ALG8: variants seen among roughly 807,000 people sequenced by gnomAD.
ALG8 encodes ALG8 alpha-1,3-glucosyltransferase, also known as dolichyl pyrophosphate Glc1Man9GlcNAc2 alpha-1,3-glucosyltransferase.
ALG8 carries 48 observed loss-of-function variants against 70.2 expected under a neutral mutation model. The ratio of observed to expected loss-of-function variants is 0.68; its 90% confidence interval spans 0.54 to 0.87. The LOEUF (loss-of-function observed/expected upper bound fraction) is 0.87, where lower values mean the gene tolerates loss of function less well. ALG8 is among the 40% of genes least tolerant of loss of function. The pLI is 0.00. For missense variants in ALG8, 572 were observed against 608.7 expected (o/e 0.94, Z 0.64); for synonymous variants, 234 against 229.0 (o/e 1.02, Z -0.20).
At chr11:78,115,980 T>C (rs1860544055) in intron 5 of ALG8, among the ~76,000 whole-genome samples, 1 of 152,180 alleles carries the variant, frequency 6.6e-6, no homozygotes, top group Non-Finnish European at 1.5e-5. Flanking sequence ...TTAGGTAACT[T>C]ATATAGCACT....
intron 12 of ALG8, among the ~76,000 whole-genome samples, chr11:78,103,717 T>C (rs939830447): frequency 6.6e-6 from 1 of 152,224 alleles, no homozygotes; most frequent in Non-Finnish European, 1.5e-5. Context: ...ATAAAGCATA[T>C]TTTACATTCA....
intron 2 of ALG8, among the ~76,000 whole-genome samples, chr11:78,126,811 C>A (rs988312185): frequency 1.3e-5 from 2 of 152,108 alleles, no homozygotes; most frequent in South Asian, 2.1e-4. Flanking sequence ...TCCAGTTCTT[C>A]CTCTTTCCCA....
At chr11:78,103,315 G>C (rs972895707) in intron 12 of ALG8, 2 of 152,140 alleles carry the variant, frequency 1.3e-5, no homozygotes, top group African/African-American at 4.8e-5. Flanking sequence ...TAAAAAATTA[G>C]CCAGGTGTGG....
chr11:78,121,577 A>G (rs1235470553), intron 3 of ALG8, among the ~76,000 whole-genome samples: 2 of 151,838 alleles, frequency 1.3e-5, no homozygotes, highest in Non-Finnish European at 2.9e-5. Context: ...AAAAGAAAAA[A>G]TGGTAGCACA....
At chr11:78,132,881 G>A (rs750803925) in intron 1 of ALG8, among the ~76,000 whole-genome samples, 6 of 144,804 alleles carry the variant, frequency 4.1e-5, no homozygotes, top group Non-Finnish European at 6.0e-5. Flanking sequence ...CTGTCGACCA[G>A]GTTGGAGTGC....
intron 1 of ALG8, chr11:78,138,724 C>A: frequency 2.2e-6 from 1 of 456,342 alleles, no homozygotes; most frequent in Non-Finnish European, 4.4e-6. Context: ...TACACACCAC[C>A]ATTTCATGGT....
chr11:78,118,208 CTATTACATTAATCTTCA>C, intron 5 of ALG8, among the ~76,000 whole-genome samples: 1 of 152,278 alleles, frequency 6.6e-6, no homozygotes, highest in Non-Finnish European at 1.5e-5. Flanking sequence ...AAATCCCTTT[CTATTACATTAATCTTCA>C]TGCTGCTGAC....
Position 78,127,339 on chromosome 11 carries a change from G to A in ALG8, c.174+19C>T, listed in dbSNP as rs1590835074. ...TATAGATGAATCTTAAAAAAAAAAA[G>A]GTGAAAATTAAAACTTACCTCATAA... On this transcript the variant is annotated intron_variant, in intron 2 of 12. Transcript: ENST00000299626. 3 of 1,580,650 alleles carry A rather than the reference G, an allele frequency of 1.9e-6. No individual in the cohort carries two copies. The highest frequency in any genetic ancestry group is 1.4e-5 in the African/African-American group (1 of 73,924).
At chr11:78,127,316 T>C (rs774248089) in intron 2 of ALG8, 42 bp downstream of exon 2, 5 of 1,483,078 alleles carry the variant, frequency 3.4e-6, no homozygotes, top group South Asian at 1.2e-5. Context: ...ACCTAGTTTA[T>C]AGATGAATCT....
At chr11:78,123,031 G>A (rs116105028) in intron 3 of ALG8, among the ~76,000 whole-genome samples, 56,923 of 151,782 alleles carry the variant, frequency 0.38, 11,693 homozygotes, top group Non-Finnish European at 0.45. Context: ...GAATGAGGTC[G>A]GTGCAGCGGC....
chr11:78,128,203 C>G (rs747209904), intron 1 of ALG8, among the ~76,000 whole-genome samples: 6 of 152,136 alleles, frequency 3.9e-5, no homozygotes, highest in African/African-American at 7.2e-5. Flanking sequence ...CTCCCTCTTC[C>G]CATCACTATA....
At chr11:78,118,086 G>GA (rs1245825427) in intron 5 of ALG8, among the ~76,000 whole-genome samples, 2 of 140,516 alleles carry the variant, frequency 1.4e-5, no homozygotes, top group South Asian at 2.3e-4. Flanking sequence ...AAAAAAAAAA[G>GA]AAAAAAAAAT....
chr11:78,131,574 G>C (rs1031994408), intron 1 of ALG8, among the ~76,000 whole-genome samples: 1 of 152,188 alleles, frequency 6.6e-6, no homozygotes, highest in African/African-American at 2.4e-5. Context: ...CTGTAATCTA[G>C]CCTGAGCAAC....
At position 78,127,451 on chromosome 11, in the gene ALG8, T is replaced by C. The variant is rs1397945482; in HGVS notation, c.96-15A>G. 5 of 1,607,124 alleles carry C rather than the reference T, an allele frequency of 3.1e-6. No individual in the cohort carries two copies. Among genetic ancestry groups the C allele is most frequent in the Non-Finnish European group, 4.3e-6 (5 of 1,173,944 alleles). On this transcript the variant is annotated splice_polypyrimidine_tract_variant and intron_variant, in intron 1 of 12. Coordinates refer to ENST00000299626, the MANE Select transcript of ALG8 (RefSeq NM_024079.5). ...CTGTGGAATGGCTACTCAAAACAAT[T>C]AGATAAATAAAATGAGATTTTGCAA...
chr11:78,113,344 G>C (rs1395976158), intron 7 of ALG8, among the ~76,000 whole-genome samples: 1 of 151,980 alleles, frequency 6.6e-6, no homozygotes, highest in African/African-American at 2.4e-5. Context: ...GTTTGTGTAT[G>C]TGTAATGTAC....
chr11:78,120,995 G>A, intron 4 of ALG8, 70 bp downstream of exon 4: 1 of 1,372,548 alleles, frequency 7.3e-7, no homozygotes, highest in Non-Finnish European at 1.0e-6. Context: ...CATTATTATA[G>A]AAAACATTAA....
chr11:78,114,333 G>A lies in ALG8; in HGVS notation c.606C>T (p.Tyr202=), dbSNP rs1565350720. The A allele has an allele frequency of 6.2e-7, 1 of 1,614,072 alleles. No homozygotes were observed. The highest frequency in any genetic ancestry group is 1.7e-5 in the Admixed American group (1 of 60,014). The part of the protein sequence containing the change: ...FAVLLHFKHI[Y]LYVAPAYGVY... ...CACCATAAGCTGGTGCTACATAGAG[G>A]TAGATATGCTTGAAATGTAGGAGAA... Residue 202 remains tyrosine (Y), a synonymous_variant, in exon 6 of 13, where the codon TAC becomes TAT. Coordinates refer to ENST00000299626, the MANE Select transcript of ALG8 (RefSeq NM_024079.5).
rs754049229 is a variant in ALG8, at chr11:78,121,192, G to A, written c.369-18C>T. On this transcript the variant is annotated intron_variant, in intron 3 of 12. Coordinates refer to ENST00000299626, the MANE Select transcript of ALG8 (RefSeq NM_024079.5). ...TACAGCACCTACATTGAAACATTAG[G>A]AAAGAAACAGAAACAACTTTGATCT... 6.5e-7 allele frequency: 1 copy of A among 1,540,246 alleles called. No homozygotes were observed. Among genetic ancestry groups the A allele is most frequent in the Admixed American group, 1.7e-5 (1 of 59,834 alleles).
intron 1 of ALG8, chr11:78,137,556 T>C (rs1232057601): frequency 6.6e-6 from 1 of 152,232 alleles, no homozygotes; most frequent in African/African-American, 2.4e-5. Flanking sequence ...CAGAGATATG[T>C]GACTCTTCCT....
Sources: allele counts gnomAD v4.1 joint callset (sites outside exome capture counted in the v4.1 genomes callset), GRCh38; gene constraint gnomAD v4.1.1; transcripts MANE v1.5; gene names NCBI Gene and HGNC (gene_info 2026-07-23, HGNC 2026-07-21).